The following MS4A4A variants were observed in gnomAD, a reference collection of about 807,000 sequenced individuals.
MS4A4A encodes the protein membrane spanning 4-domains A4A.
In MS4A4A, 26 loss-of-function variants were observed where a neutral mutation model predicts 28.0. The ratio of observed to expected loss-of-function variants is 0.93; its 90% CI spans 0.68 to 1.29. The LOEUF (loss-of-function observed/expected upper bound fraction) is 1.29, where lower values mean the gene tolerates loss of function less well. MS4A4A is among the 50% of genes most tolerant of loss of function. The pLI, the probability that MS4A4A is intolerant of heterozygous loss-of-function variation, is 0.00. For missense variants in MS4A4A, 290 were observed against 293.1 expected (o/e 0.99, Z 0.08); for synonymous variants, 86 against 100.8 (o/e 0.85, Z 0.88).
chr11:60,305,859 C>A lies in MS4A4A; in HGVS notation c.547-241C>A, dbSNP rs1453695621. 4 of 470,366 alleles carry A rather than the reference C, an allele frequency of 8.5e-6. No homozygotes were observed. The East Asian group carries it at 1.4e-4, about 16-fold the overall frequency. The allele number at this position is 470,366 out of a possible 1,614,324, so 29.1% of individuals were successfully genotyped here. On this transcript the variant is annotated intron_variant, in intron 5 of 6. Transcript: ENST00000337908. ...TTTTAAAGCACTTTCATCTTCCATG[C>A]CCACAATAGCACTGGGAGGTGCTGA...
intron 5 of MS4A4A, 59 bp from the exon 6 acceptor site, chr11:60,306,040 GA>G: frequency 5.7e-6 from 8 of 1,401,862 alleles, no homozygotes; most frequent in Non-Finnish European, 8.0e-6. Flanking sequence ...TGGTTACTGG[GA>G]AATGTTTTCA....
intron 5 of MS4A4A, among the ~76,000 whole-genome samples, chr11:60,303,341 T>C (rs1266780452): frequency 2.0e-5 from 3 of 152,188 alleles, no homozygotes; most frequent in African/African-American, 4.8e-5. Flanking sequence ...TTTTGGGCCA[T>C]TGGGTAATTG....
chr11:60,291,318 C>A (rs1393658202), intron 1 of MS4A4A, among the ~76,000 whole-genome samples: 2 of 152,160 alleles, frequency 1.3e-5, no homozygotes, highest in East Asian at 3.8e-4. Context: ...CCATAAGTTT[C>A]ATTCCCAAAG....
intron 6 of MS4A4A, 96 bp downstream of exon 6, chr11:60,306,297 A>G: frequency 1.0e-6 from 1 of 981,782 alleles, no homozygotes; most frequent in Non-Finnish European, 1.6e-6. Context: ...GAACACATTC[A>G]TTATCTCTCA....
intron 5 of MS4A4A, among the ~76,000 whole-genome samples, chr11:60,304,360 T>C (rs943119324): frequency 9.2e-5 from 14 of 152,268 alleles, no homozygotes; most frequent in African/African-American, 3.1e-4. Context: ...GCTCTGCTGT[T>C]GCTATCTTAA....
chr11:60,301,736 G>A (rs1264391377), intron 4 of MS4A4A, among the ~76,000 whole-genome samples: 1 of 152,028 alleles, frequency 6.6e-6, no homozygotes, highest in Non-Finnish European at 1.5e-5. Context: ...CTCACACTTT[G>A]CTGTGCAAGT....
At chr11:60,284,787 A>G (rs910840705) in intron 1 of MS4A4A, among the ~76,000 whole-genome samples, 6 of 152,148 alleles carry the variant, frequency 3.9e-5, no homozygotes, top group African/African-American at 7.2e-5. Context: ...CAAAATTTAG[A>G]TATGGATCAA....
chr11:60,280,809 A>G, intron 1 of MS4A4A, 93 bp downstream of exon 1: 1 of 1,461,522 alleles, frequency 6.8e-7, no homozygotes, highest in Non-Finnish European at 9.5e-7. Context: ...TGAGAAGAAT[A>G]ATGAGGCCAC....
At chr11:60,301,113 T>C in intron 4 of MS4A4A, 56 bp downstream of exon 4, 1 of 1,354,906 alleles carries the variant, frequency 7.4e-7, no homozygotes, top group East Asian at 2.4e-5. Flanking sequence ...ATAAAAAATG[T>C]ATTCTGCCAG....
intron 1 of MS4A4A, among the ~76,000 whole-genome samples, chr11:60,284,562 TC>T (rs547349872): frequency 6.6e-5 from 10 of 152,136 alleles, no homozygotes; most frequent in Non-Finnish European, 1.3e-4. Flanking sequence ...GCAGTTTGTC[TC>T]AAAGATTGGT....
intron 2 of MS4A4A, among the ~76,000 whole-genome samples, chr11:60,293,740 G>A (rs76059002): frequency 0.011 from 1,719 of 152,088 alleles, 27 homozygotes; most frequent in African/African-American, 0.039. Context: ...TTTAGATTGC[G>A]TTCTTTCACC....
At position 60,297,271 on chromosome 11, in the gene MS4A4A, T is replaced by A. The variant is rs564179890; in HGVS notation, c.276T>A (p.Tyr92Ter). The A allele has an allele frequency of 2.5e-6, 4 of 1,613,660 alleles. No homozygotes were observed. In the East Asian group the frequency reaches 8.9e-5, roughly 36 times the overall value. Residue 92 changes from tyrosine to a stop codon, truncating the protein, a stop_gained, in exon 3 of 7, where the codon TAT becomes TAA. Coordinates refer to ENST00000337908, the MANE Select transcript of MS4A4A (RefSeq NM_148975.3). LOFTEE classifies it high-confidence loss of function. ...TGATGTGTATGGCATCTAATACTTA[T>A]GGAAGTAACCCTATTTCCGTGTATA... ...ITMMCMASNT[Y>*]GSNPISVYIG...
intron 5 of MS4A4A, 145 bp from the exon 6 acceptor site, chr11:60,305,955 T>C: frequency 4.9e-6 from 3 of 611,544 alleles, no homozygotes; most frequent in South Asian, 4.4e-5. Context: ...AGATCAAGAA[T>C]TGGTCAAGGG....
Position 60,280,853 on chromosome 11 carries a change from G to A in MS4A4A, c.41+137G>A, listed in dbSNP as rs1018713449. 3 of 954,424 alleles carry A rather than the reference G, an allele frequency of 3.1e-6. No homozygotes were observed. The South Asian group carries it at 4.9e-5, about 15-fold the overall frequency. The allele number at this position is 954,424 out of a possible 1,614,324, so 59.1% of individuals were successfully genotyped here. On this transcript the variant is annotated intron_variant, in intron 1 of 6. Coordinates refer to ENST00000337908, the MANE Select transcript of MS4A4A (RefSeq NM_148975.3). ...ACCCAAGCTGGTATTCAGGGTTGGG[G>A]TGGGTTGAGTGCACCTTTAAATGTG...
chr11:60,286,770 G>A (rs1213683091), intron 1 of MS4A4A, among the ~76,000 whole-genome samples: 1 of 152,084 alleles, frequency 6.6e-6, no homozygotes, highest in Non-Finnish European at 1.5e-5. Flanking sequence ...TTCTTCTTAA[G>A]GCTAAAGTGA....
intron 1 of MS4A4A, among the ~76,000 whole-genome samples, chr11:60,282,393 A>G (rs1349992331): frequency 6.6e-6 from 1 of 152,246 alleles, no homozygotes; most frequent in African/African-American, 2.4e-5. Context: ...GTCACTTTCC[A>G]AATAACTTTG....
intron 2 of MS4A4A, among the ~76,000 whole-genome samples, chr11:60,294,882 T>C (rs1378586166): frequency 7.4e-6 from 1 of 135,894 alleles, no homozygotes; most frequent in Non-Finnish European, 1.6e-5. Context: ...GTGTTAGTCC[T>C]ACAACTACTA....
At chr11:60,294,100 C>T (rs1272164468) in intron 2 of MS4A4A, among the ~76,000 whole-genome samples, 2 of 152,214 alleles carry the variant, frequency 1.3e-5, no homozygotes, top group Non-Finnish European at 2.9e-5. Flanking sequence ...TCCTGCTGTT[C>T]TGCAAAATCT....
intron 1 of MS4A4A, 83 bp downstream of exon 1, chr11:60,280,799 T>A: frequency 6.5e-7 from 1 of 1,537,664 alleles, no homozygotes; most frequent in Non-Finnish European, 8.9e-7. Flanking sequence ...GGGAGGGGAA[T>A]GAGAAGAATA....
Sources: allele counts gnomAD v4.1 joint callset (sites outside exome capture counted in the v4.1 genomes callset), GRCh38; gene constraint gnomAD v4.1.1; transcripts MANE v1.5; gene names NCBI Gene and HGNC (gene_info 2026-07-23, HGNC 2026-07-21).